The following PAQR3 variants were observed in gnomAD, a reference collection of about 807,000 sequenced individuals.
The protein encoded by PAQR3 is progestin and adipoQ receptor family member 3.
PAQR3 carries 39 observed loss-of-function variants against 41.7 expected under a neutral mutation model. The ratio of observed to expected loss-of-function variants is 0.93; its 90% CI spans 0.72 to 1.22. PAQR3 has a LOEUF of 1.22. Ranked by LOEUF, PAQR3 falls within the 50% of genes most tolerant of loss-of-function variation. The pLI is 0.00. For synonymous variants in PAQR3, 140 were observed against 140.6 expected, an observed-to-expected ratio of 1.00 and a Z score of 0.03; for missense variants, 366 against 385.6, an observed-to-expected ratio of 0.95 and a Z score of 0.42.
At position 78,913,616 on chromosome 4, in the gene PAQR3, G is replaced by A. The variant is rs935408214; in HGVS notation, c.*6923C>T. On this transcript the variant is annotated 3_prime_UTR_variant, in exon 6 of 6. Transcript: ENST00000512733. ...TTCGATCTCAAAGTATATTTTACGA[G>A]TAATTTTATTAGGAATCTCTTATAG... The A allele has an allele frequency of 1.6e-4, 25 of 152,254 alleles. No individual in the cohort carries two copies. Among genetic ancestry groups the A allele is most frequent in the African/African-American group, 5.3e-4 (22 of 41,570 alleles). 9.4% of individuals were successfully genotyped at this position (152,254 alleles called of 1,614,324 possible).
intron 11 of PAQR3, among the ~76,000 whole-genome samples, chr4:78,896,665 ACAAATGAAT>A (rs1733720696): frequency 6.6e-6 from 1 of 152,210 alleles, no homozygotes; most frequent in Admixed American, 6.5e-5. Context: ...CTTGATTTTT[ACAAATGAAT>A]TATCTTTTTA....
chr4:78,929,133 C>T (rs933598508), intron 3 of PAQR3, among the ~76,000 whole-genome samples: 8 of 152,184 alleles, frequency 5.3e-5, no homozygotes, highest in Admixed American at 1.3e-4. Context: ...TAACAGGCCA[C>T]GGACAGCTTC....
intron 5 of PAQR3, chr4:78,922,536 C>T: frequency 1.1e-6 from 1 of 937,906 alleles, no homozygotes; most frequent in Non-Finnish European, 1.5e-6. Flanking sequence ...AATGTTATTT[C>T]TGACCCATGC....
At chr4:78,922,498 A>ATGTTTTTTTTCAGTTTGG in intron 5 of PAQR3, 2 of 1,158,412 alleles carry the variant, frequency 1.7e-6, no homozygotes, top group Non-Finnish European at 2.3e-6. Context: ...CTCCAAACTG[A>ATGTTTTTTTTCAGTTTGG]AAAAAAACAT....
chr4:78,890,930 C>T (rs773941485), intron 11 of PAQR3, among the ~76,000 whole-genome samples: 1 of 152,152 alleles, frequency 6.6e-6, no homozygotes, highest in Non-Finnish European at 1.5e-5. Flanking sequence ...TGGGGTGGCT[C>T]ATGCCTGTAA....
At chr4:78,937,863 C>G (rs1413569788) in intron 1 of PAQR3, among the ~76,000 whole-genome samples, 1 of 152,180 alleles carries the variant, frequency 6.6e-6, no homozygotes, top group African/African-American at 2.4e-5. Context: ...ATATTTAAGG[C>G]AATTCACTGC....
chr4:78,898,664 A>T (rs929508430), intron 11 of PAQR3, among the ~76,000 whole-genome samples: 1 of 151,672 alleles, frequency 6.6e-6, no homozygotes, highest in Non-Finnish European at 1.5e-5. Flanking sequence ...TCTCAAAAAA[A>T]AAAAAAGACC....
intron 4 of PAQR3, among the ~76,000 whole-genome samples, chr4:78,925,386 CAGAA>C (rs1240836409): frequency 6.6e-6 from 1 of 152,014 alleles, no homozygotes; most frequent in African/African-American, 2.4e-5. Context: ...TCAAAATTGT[CAGAA>C]AGATGTTTTC....
At chr4:78,911,272 G>A (rs1037707762), downstream of PAQR3, 3 of 1,613,878 alleles carry the variant, frequency 1.9e-6, no homozygotes, top group East Asian at 2.2e-5. Flanking sequence ...GAAGGTGAAT[G>A]TACAAGAATG....
intron 2 of PAQR3, among the ~76,000 whole-genome samples, chr4:78,934,726 G>C (rs1036557017): frequency 6.6e-6 from 1 of 152,070 alleles, no homozygotes; most frequent in African/African-American, 2.4e-5. Context: ...AATATAGTAT[G>C]GAAATAACAA....
chr4:78,926,570 G>C lies in PAQR3; in HGVS notation c.653C>G (p.Thr218Ser), dbSNP rs768866993. The C allele has an allele frequency of 6.2e-7, 1 of 1,613,920 alleles. No homozygotes were observed. Among genetic ancestry groups the C allele is most frequent in the Non-Finnish European group, 8.5e-7 (1 of 1,179,886 alleles). ...CSVSGYGVIP[T>S]LHWVWLNGGI... ...TCCATTGAGCCAAACCCAGTGAAGAGTAGGAATCACTCCATATCCCGAAAC... is the reference window on the plus strand; with the variant it reads ...TCCATTGAGCCAAACCCAGTGAAGACTAGGAATCACTCCATATCCCGAAAC... Residue 218 changes from threonine (T) to serine (S), a missense_variant, in exon 4 of 6, where the codon ACT becomes AGT. Transcript: ENST00000512733.
At chr4:78,938,630 T>C (rs779673671) in intron 1 of PAQR3, among the ~76,000 whole-genome samples, 2 of 152,116 alleles carry the variant, frequency 1.3e-5, no homozygotes, top group African/African-American at 2.4e-5. Context: ...TGTTAACTTG[T>C]TTCCTATTAT....
At chr4:78,925,140 A>G (rs943802270) in intron 4 of PAQR3, among the ~76,000 whole-genome samples, 1 of 152,148 alleles carries the variant, frequency 6.6e-6, no homozygotes, top group African/African-American at 2.4e-5. Flanking sequence ...GAAAACTACT[A>G]TCTAAGCCAT....
intron 11 of PAQR3, among the ~76,000 whole-genome samples, chr4:78,901,725 G>T (rs901228850): frequency 6.6e-6 from 1 of 152,116 alleles, no homozygotes; most frequent in African/African-American, 2.4e-5. Context: ...AATGTAGTGT[G>T]GACCACCCCA....
In PAQR3 at chr4:78,918,222, T is replaced by G. The variant is rs1735279082; in HGVS notation, c.*2317A>C. On this transcript the variant is annotated 3_prime_UTR_variant, in exon 6 of 6. Transcript: ENST00000512733. Reference sequence around the variant, plus strand: ...AACCAGTCTTTTTTAGTAATAAAACTGGATAGTATATTTTAATCTTACTTT... The same window carrying G: ...AACCAGTCTTTTTTAGTAATAAAACGGGATAGTATATTTTAATCTTACTTT... The G allele has an allele frequency of 1.2e-6, 1 of 837,346 alleles. No homozygotes were observed. Among genetic ancestry groups the G allele is most frequent in the Non-Finnish European group, 1.4e-6 (1 of 733,154 alleles). 51.9% of individuals were successfully genotyped at this position (837,346 alleles called of 1,614,324 possible). A position where few individuals can be genotyped will look rare whatever the true frequency, so the allele number is the denominator to read the frequency against.
intron 2 of PAQR3, among the ~76,000 whole-genome samples, chr4:78,931,829 A>C (rs1416561380): frequency 6.6e-6 from 1 of 152,230 alleles, no homozygotes; most frequent in Non-Finnish European, 1.5e-5. Flanking sequence ...AAAGCATCAT[A>C]TTCTTTATAA....
Position 78,918,011 on chromosome 4 carries a change from A to ATAAC in PAQR3, c.*2524_*2527dup. On this transcript the variant is annotated 3_prime_UTR_variant, in exon 6 of 6. Coordinates refer to ENST00000512733, the MANE Select transcript of PAQR3 (RefSeq NM_001040202.2). The stretch of plus-strand genomic sequence containing the variant: ...AGCTTACTGAATTGCAGTTAGTGTA[A>ATAAC]TAACAAAAAAAGACAAGCACTGTCT... 3 of 982,504 alleles carry ATAAC rather than the reference A, an allele frequency of 3.1e-6. No homozygotes were observed. Among genetic ancestry groups the ATAAC allele is most frequent in the Non-Finnish European group, 3.6e-6 (3 of 826,908 alleles). 60.9% of individuals were successfully genotyped at this position (982,504 alleles called of 1,614,324 possible). A position where few individuals can be genotyped will look rare whatever the true frequency, so the allele number is the denominator to read the frequency against.
chr4:78,892,434 T>G (rs191041209), intron 11 of PAQR3, among the ~76,000 whole-genome samples: 130 of 152,350 alleles, frequency 8.5e-4, no homozygotes, highest in African/African-American at 3.1e-3. Context: ...TGATATTCCG[T>G]TTTTATACCT....
Position 78,915,549 on chromosome 4 carries a change from T to C in PAQR3, c.*4990A>G, listed in dbSNP as rs1029610087. On this transcript the variant is annotated 3_prime_UTR_variant, in exon 6 of 6. Transcript: ENST00000512733. The stretch of plus-strand genomic sequence containing the variant: ...TCTACTGTGAGAATGAGATGACATA[T>C]CTACTGTGAGAATACCATAAATGAT... 2.0e-5 allele frequency: 3 copies of C among 151,932 alleles called. No homozygotes were observed. The highest frequency in any genetic ancestry group is 4.4e-5 in the Non-Finnish European group (3 of 67,884). The allele number at this position is 151,932 out of a possible 1,614,324, so 9.4% of individuals were successfully genotyped here.
Sources: allele counts gnomAD v4.1 joint callset (sites outside exome capture counted in the v4.1 genomes callset), GRCh38; gene constraint gnomAD v4.1.1; transcripts MANE v1.5; gene names NCBI Gene and HGNC (gene_info 2026-07-23, HGNC 2026-07-21).